The following SCD5 variants were observed in gnomAD, a reference collection of about 807,000 sequenced individuals.
SCD5 encodes the protein stearoyl-CoA desaturase 5, also known as acyl-CoA-desaturase 4.
In SCD5, 20 loss-of-function variants were observed where a neutral mutation model predicts 30.4. The ratio of observed to expected loss-of-function variants is 0.66; its 90% confidence interval spans 0.46 to 0.96. SCD5 has a LOEUF of 0.96. Ranked by LOEUF, SCD5 falls within the 40% of genes least tolerant of loss-of-function variation. SCD5 has a pLI of 0.00. For synonymous variants in SCD5, 173 were observed against 176.4 expected (o/e 0.98, Z 0.16); for missense variants, 381 against 443.3 (o/e 0.86, Z 1.26).
intron 1 of SCD5, among the ~76,000 whole-genome samples, chr4:82,796,428 G>A (rs1722222834): frequency 6.6e-6 from 1 of 152,120 alleles, no homozygotes; most frequent in Non-Finnish European, 1.5e-5. Flanking sequence ...TGGGGCCTGG[G>A]AGGTGTCCTC....
intron 1 of SCD5, among the ~76,000 whole-genome samples, chr4:82,797,823 T>C (rs551366799): frequency 9.2e-5 from 14 of 152,196 alleles, no homozygotes; most frequent in South Asian, 2.1e-4. Flanking sequence ...CCGGTCCAAC[T>C]CCCTTACTTG....
intron 3 of SCD5, chr4:82,661,179 C>T (rs2148816854): frequency 2.1e-6 from 2 of 974,678 alleles, no homozygotes; most frequent in Non-Finnish European, 3.2e-6. Flanking sequence ...AATAACAAAA[C>T]CTTGCATCTC....
intron 1 of SCD5, among the ~76,000 whole-genome samples, chr4:82,788,349 C>T (rs1228696401): frequency 2.6e-5 from 4 of 152,174 alleles, no homozygotes; most frequent in Non-Finnish European, 1.5e-5. Flanking sequence ...TTCCCAATGA[C>T]TGGTTTACCA....
At chr4:82,730,359 C>G (rs1436258262) in intron 1 of SCD5, among the ~76,000 whole-genome samples, 2 of 149,934 alleles carry the variant, frequency 1.3e-5, no homozygotes, top group Admixed American at 1.3e-4. Flanking sequence ...TCCAGTGGCA[C>G]GATCTTGGCT....
chr4:82,739,055 A>C (rs1720815329), intron 1 of SCD5, among the ~76,000 whole-genome samples: 2 of 152,224 alleles, frequency 1.3e-5, no homozygotes, highest in African/African-American at 4.8e-5. Context: ...AAATATAATC[A>C]CTAAAAAATA....
intron 1 of SCD5, among the ~76,000 whole-genome samples, chr4:82,765,737 C>T (rs145065274): frequency 0.019 from 2,838 of 152,124 alleles, 85 homozygotes; most frequent in African/African-American, 0.065. Context: ...GTGCCTCAGC[C>T]TCCTGAGTAG....
chr4:82,681,097 A>G (rs1728563378), intron 2 of SCD5, among the ~76,000 whole-genome samples, 185 bp from the exon 3 acceptor site: 1 of 152,058 alleles, frequency 6.6e-6, no homozygotes. Context: ...TTTCATCAGA[A>G]CAAGAGTAAA....
chr4:82,706,842 C>T (rs1005780362), intron 1 of SCD5, among the ~76,000 whole-genome samples: 3 of 152,236 alleles, frequency 2.0e-5, no homozygotes. Flanking sequence ...GTCCTAGTTA[C>T]CAGAGCCAAC....
intron 1 of SCD5, among the ~76,000 whole-genome samples, chr4:82,736,290 AAAAAC>A (rs1469895471): frequency 6.6e-6 from 1 of 151,750 alleles, no homozygotes; most frequent in Admixed American, 6.6e-5. Flanking sequence ...CTGTCTAAGA[AAAAAC>A]AAAACAAAAC....
chr4:82,724,608 T>G (rs77836074), intron 1 of SCD5, among the ~76,000 whole-genome samples: 3 of 152,110 alleles, frequency 2.0e-5, no homozygotes, highest in Non-Finnish European at 4.4e-5. Context: ...AAGAATAATA[T>G]AAAAAGATAT....
intron 1 of SCD5, among the ~76,000 whole-genome samples, chr4:82,712,850 TC>T (rs1720140782): frequency 6.6e-6 from 1 of 152,214 alleles, no homozygotes; most frequent in Non-Finnish European, 1.5e-5. Flanking sequence ...AAATCTTACA[TC>T]TTCCCTTGAA....
At position 82,793,579 on chromosome 4, in the gene SCD5, C is replaced by T. The variant is rs530009716; in HGVS notation, c.232+4727G>A. 2.1e-3 allele frequency among the ~76,000 whole-genome samples: 314 copies of T among 152,182 alleles called. 1 individual carries two copies. The highest frequency in any genetic ancestry group is 7.0e-3 in the African/African-American group (290 of 41,502). On this transcript the variant is annotated intron_variant, in intron 1 of 4. Coordinates refer to ENST00000319540, the MANE Select transcript of SCD5 (RefSeq NM_001037582.3). ...ATCTTTGTGGAATTTATTGCGCTGCCGGAAGACTTTTTTTTCTTCTGCTAA... is the reference window on the plus strand; with the variant it reads ...ATCTTTGTGGAATTTATTGCGCTGCTGGAAGACTTTTTTTTCTTCTGCTAA...
chr4:82,798,086 CG>C (rs34694654), intron 1 of SCD5, among the ~76,000 whole-genome samples: 95,649 of 124,230 alleles, frequency 0.77, 35,743 homozygotes, highest in Admixed American at 0.83. Context: ...GGGGTGGGGG[CG>C]GGGGGGGGGC....
At chr4:82,732,526 G>A (rs1720665702) in intron 1 of SCD5, among the ~76,000 whole-genome samples, 1 of 152,160 alleles carries the variant, frequency 6.6e-6, no homozygotes, top group African/African-American at 2.4e-5. Context: ...CGTGGAAACA[G>A]GCCTACCCAT....
chr4:82,758,533 A>C (rs995870646), intron 1 of SCD5, among the ~76,000 whole-genome samples: 1 of 152,180 alleles, frequency 6.6e-6, no homozygotes. Context: ...TATTCTGAGA[A>C]ACTGGGGAAG....
At chr4:82,713,225 T>C (rs28394418) in intron 1 of SCD5, among the ~76,000 whole-genome samples, 59,836 of 152,064 alleles carry the variant, frequency 0.39, 12,508 homozygotes, top group African/African-American at 0.53. Flanking sequence ...TTTATACATA[T>C]TGCTTATTTT....
intron 3 of SCD5, among the ~76,000 whole-genome samples, chr4:82,679,273 AAAGAAAGAAGGAAGG>A (rs1728513672): frequency 8.4e-6 from 1 of 118,890 alleles, no homozygotes; most frequent in Admixed American, 9.1e-5. Context: ...GGAAGGAAAG[AAAGAAAGAAGGAAGG>A]AAAGAAAGAA....
intron 1 of SCD5, among the ~76,000 whole-genome samples, chr4:82,712,477 C>T (rs942257606): frequency 6.7e-6 from 1 of 149,468 alleles, no homozygotes; most frequent in African/African-American, 2.5e-5. Flanking sequence ...GCCATCACGC[C>T]TGGCTAATTT....
intron 1 of SCD5, among the ~76,000 whole-genome samples, chr4:82,717,593 G>T (rs1338794067): frequency 6.6e-6 from 1 of 151,800 alleles, no homozygotes; most frequent in East Asian, 1.9e-4. Context: ...TAATATCTCT[G>T]CCTATAAATA....
Sources: gnomAD v4.1 joint callset for allele counts (sites outside exome capture counted in the v4.1 genomes callset) on GRCh38, gnomAD v4.1.1 for gene constraint, MANE v1.5 for transcripts, NCBI Gene and HGNC (gene_info 2026-07-23, HGNC 2026-07-21) for gene names.